FHOD3: variants seen among roughly 807,000 people sequenced by gnomAD.
FHOD3 encodes FH1/FH2 domain-containing protein 3.
A neutral mutation model predicts 173.0 loss-of-function variants in FHOD3; 90 were observed. That is an observed-to-expected ratio of 0.52 (90% confidence interval 0.44 to 0.62). The LOEUF (loss-of-function observed/expected upper bound fraction) is 0.62. FHOD3 is among the 20% of genes least tolerant of loss of function. The pLI is 0.00. For synonymous variants in FHOD3, 828 were observed against 823.0 expected, an observed-to-expected ratio of 1.01 and a Z score of -0.10; for missense variants, 1,945 against 2,034.7, an observed-to-expected ratio of 0.96 and a Z score of 0.85.
intron 3 of FHOD3, among the ~76,000 whole-genome samples, chr18:36,470,812 A>G (rs1056709624): frequency 6.6e-6 from 1 of 152,222 alleles, no homozygotes; most frequent in Non-Finnish European, 1.5e-5. Flanking sequence ...AGGTTGAGGC[A>G]ATGGAATTGG....
chr18:36,451,177 C>T (rs79401901), intron 3 of FHOD3, among the ~76,000 whole-genome samples: 4,594 of 152,278 alleles, frequency 0.03, 220 homozygotes, highest in African/African-American at 0.1. Context: ...AAACTAAATA[C>T]TGATGACCTT....
chr18:36,509,965 A>G (rs1212416642), intron 4 of FHOD3, among the ~76,000 whole-genome samples: 1 of 152,218 alleles, frequency 6.6e-6, no homozygotes, highest in Non-Finnish European at 1.5e-5. Context: ...ACTCCACCAC[A>G]GGGCAGCGAT....
intron 5 of FHOD3, among the ~76,000 whole-genome samples, chr18:36,549,704 A>ATT (rs566130762): frequency 6.2e-5 from 8 of 129,444 alleles, no homozygotes; most frequent in African/African-American, 8.6e-5. Flanking sequence ...TGCCTGGCTA[A>ATT]TTTTTTTTTT....
chr18:36,670,073 C>T (rs1415851508), intron 14 of FHOD3, among the ~76,000 whole-genome samples: 1 of 151,876 alleles, frequency 6.6e-6, no homozygotes, highest in Non-Finnish European at 1.5e-5. Context: ...CTTTGTTCTA[C>T]TTTACATTGT....
At chr18:36,771,997 G>A (rs2043406540) in intron 28 of FHOD3, among the ~76,000 whole-genome samples, 1 of 152,206 alleles carries the variant, frequency 6.6e-6, no homozygotes, top group East Asian at 1.9e-4. Flanking sequence ...GACTCATAAT[G>A]TCACTGGGCA....
chr18:36,452,223 T>C (rs1348814461), intron 3 of FHOD3, among the ~76,000 whole-genome samples: 1 of 152,178 alleles, frequency 6.6e-6, no homozygotes, highest in Non-Finnish European at 1.5e-5. Context: ...GGGAGCCTTT[T>C]CCGTACTTGT....
At chr18:36,363,055 A>G (rs1467368016) in intron 2 of FHOD3, among the ~76,000 whole-genome samples, 1 of 152,238 alleles carries the variant, frequency 6.6e-6, no homozygotes, top group African/African-American at 2.4e-5. Context: ...CCAACATTAC[A>G]TGTCAATATA....
intron 1 of FHOD3, among the ~76,000 whole-genome samples, chr18:36,353,995 T>G (rs2046248361): frequency 6.6e-6 from 1 of 150,484 alleles, no homozygotes; most frequent in African/African-American, 2.5e-5. Context: ...TGTGCAGAGG[T>G]GTTATGGCCA....
In FHOD3 at chr18:36,369,518, G is replaced by T. The variant is rs966524927; in HGVS notation, c.273-3162G>T. Among the ~76,000 whole-genome samples the T allele has an allele frequency of 3.7e-3, 545 of 148,622 alleles. 9 individuals are homozygous for T. Among genetic ancestry groups the T allele is most frequent in the African/African-American group, 0.013 (514 of 40,266 alleles). ...ACACACATATATATAGAGAGAGAGA[G>T]AGAGAGAGAGCAAGCAATATGTGAA... On this transcript the variant is annotated intron_variant, in intron 2 of 28. Coordinates refer to ENST00000590592, the MANE Select transcript of FHOD3 (RefSeq NM_001281740.3).
intron 1 of FHOD3, among the ~76,000 whole-genome samples, chr18:36,323,173 C>G (rs1046310032): frequency 6.6e-6 from 1 of 152,126 alleles, no homozygotes; most frequent in Admixed American, 6.5e-5. Context: ...AGGGGGCACC[C>G]GGCTGCCTCT....
At chr18:36,533,530 A>G (rs2056872345) in intron 5 of FHOD3, among the ~76,000 whole-genome samples, 1 of 152,222 alleles carries the variant, frequency 6.6e-6, no homozygotes, top group African/African-American at 2.4e-5. Context: ...ATGGACTCAG[A>G]GGGGCCGGCT....
At chr18:36,658,236 G>A in intron 14 of FHOD3, 48 bp downstream of exon 14, 1 of 1,302,048 alleles carries the variant, frequency 7.7e-7, no homozygotes, top group Non-Finnish European at 1.1e-6. Flanking sequence ...CAAGTGAGGG[G>A]AATCAATTTG....
At chr18:36,539,640 A>G (rs575104421) in intron 5 of FHOD3, among the ~76,000 whole-genome samples, 51 of 152,330 alleles carry the variant, frequency 3.3e-4, no homozygotes, top group African/African-American at 1.2e-3. Flanking sequence ...GATGAAAGAA[A>G]TTCAGCAGCA....
chr18:36,729,435 T>C (rs1447172653), intron 19 of FHOD3, among the ~76,000 whole-genome samples: 1 of 152,222 alleles, frequency 6.6e-6, no homozygotes, highest in Non-Finnish European at 1.5e-5. Flanking sequence ...ACAGACACTG[T>C]CTTAGTTTGC....
chr18:36,541,701 G>T (rs1000081106), intron 5 of FHOD3, among the ~76,000 whole-genome samples: 5 of 152,180 alleles, frequency 3.3e-5, no homozygotes, highest in Non-Finnish European at 7.3e-5. Flanking sequence ...TAACAGGGAG[G>T]TTGTCATGCA....
At chr18:36,730,276 C>A (rs1432142398) in intron 19 of FHOD3, among the ~76,000 whole-genome samples, 1 of 152,196 alleles carries the variant, frequency 6.6e-6, no homozygotes, top group Non-Finnish European at 1.5e-5. Context: ...TGAAGGCCAA[C>A]CAAGACATTC....
At chr18:36,542,691 C>T (rs963646409) in intron 5 of FHOD3, among the ~76,000 whole-genome samples, 1 of 152,136 alleles carries the variant, frequency 6.6e-6, no homozygotes, top group Non-Finnish European at 1.5e-5. Context: ...ACAACAAATT[C>T]TTAAACTTGA....
At chr18:36,348,628 T>G (rs1226915850) in intron 1 of FHOD3, among the ~76,000 whole-genome samples, 1 of 152,148 alleles carries the variant, frequency 6.6e-6, no homozygotes, top group African/African-American at 2.4e-5. Context: ...TCCTCTCCTG[T>G]GTGGGAGGGT....
intron 3 of FHOD3, among the ~76,000 whole-genome samples, chr18:36,463,063 C>T (rs1169462804): frequency 6.6e-6 from 1 of 151,894 alleles, no homozygotes; most frequent in Non-Finnish European, 1.5e-5. Flanking sequence ...AGTTGTATAC[C>T]AACCCATTGC....
Sources: allele counts gnomAD v4.1 joint callset (sites outside exome capture counted in the v4.1 genomes callset), GRCh38; gene constraint gnomAD v4.1.1; transcripts MANE v1.5; gene names NCBI Gene and HGNC (gene_info 2026-07-23, HGNC 2026-07-21).